Variants in RBFOX1 observed in about 807,000 individuals in gnomAD.
The protein encoded by RBFOX1 is RNA binding protein fox-1 homolog 1.
In RBFOX1, 8 loss-of-function variants were observed where a neutral mutation model predicts 57.7. That is an observed-to-expected ratio of 0.14 (90% CI 0.08 to 0.25). The LOEUF is 0.25. Ranked by LOEUF, RBFOX1 falls within the 10% of genes least tolerant of loss-of-function variation. The probability of loss-of-function intolerance (pLI) is 1.00; values close to 1 mark genes in which losing one functional copy is unlikely to be tolerated. For synonymous variants in RBFOX1, 326 were observed against 222.4 expected (o/e 1.47, Z -4.15); for missense variants, 611 against 548.5 (o/e 1.11, Z -1.14).
intron 3 of RBFOX1, among the ~76,000 whole-genome samples, chr16:5,811,331 C>T (rs1037057477): frequency 6.6e-6 from 1 of 151,396 alleles, no homozygotes; most frequent in Non-Finnish European, 1.5e-5. Context: ...ACGGGGTTTC[C>T]CTGGTTTCCC....
At chr16:7,266,513 T>C (rs1194658043) in intron 4 of RBFOX1, among the ~76,000 whole-genome samples, 1 of 152,196 alleles carries the variant, frequency 6.6e-6, no homozygotes, top group East Asian at 1.9e-4. Flanking sequence ...GGTATTTCTT[T>C]ACAGCAATGC....
intron 2 of RBFOX1, chr16:6,483,487 T>A: frequency 6.5e-7 from 1 of 1,535,688 alleles, no homozygotes; most frequent in Non-Finnish European, 8.7e-7. Context: ...CAGGAGGCAC[T>A]TTGCAGCCGA....
At chr16:7,216,673 A>T (rs1046501948) in intron 4 of RBFOX1, among the ~76,000 whole-genome samples, 5 of 139,326 alleles carry the variant, frequency 3.6e-5, no homozygotes, top group East Asian at 5.0e-4. Context: ...AATAAAAATT[A>T]AAAAACCCAC....
At chr16:7,172,629 C>G (rs1381962015) in intron 4 of RBFOX1, among the ~76,000 whole-genome samples, 4 of 152,156 alleles carry the variant, frequency 2.6e-5, no homozygotes, top group Non-Finnish European at 5.9e-5. Flanking sequence ...CTCTTACTTA[C>G]TGGGAACACA....
intron 4 of RBFOX1, among the ~76,000 whole-genome samples, chr16:7,157,683 C>T (rs2077434240): frequency 6.6e-6 from 1 of 152,168 alleles, no homozygotes; most frequent in African/African-American, 2.4e-5. Flanking sequence ...ACGCCATAGC[C>T]ACTCTACATG....
At chr16:7,188,280 G>T (rs566067339) in intron 4 of RBFOX1, among the ~76,000 whole-genome samples, 1 of 152,202 alleles carries the variant, frequency 6.6e-6, no homozygotes, top group Non-Finnish European at 1.5e-5. Context: ...TAACATAAGT[G>T]CTTTAAGTTA....
chr16:6,620,087 A>T (rs1326474993), intron 2 of RBFOX1, among the ~76,000 whole-genome samples: 2 of 152,144 alleles, frequency 1.3e-5, no homozygotes, highest in Non-Finnish European at 2.9e-5. Flanking sequence ...TATGGACCAC[A>T]TTTTCTTTAT....
At chr16:5,984,897 A>T (rs761098940) in intron 4 of RBFOX1, among the ~76,000 whole-genome samples, 38 of 150,062 alleles carry the variant, frequency 2.5e-4, no homozygotes, top group Non-Finnish European at 4.3e-4. Context: ...TAGAAAAGGT[A>T]CAGTAAAAAG....
rs561185032 is a variant in RBFOX1, at chr16:7,129,395, C to G, written c.27+77297C>G. The stretch of plus-strand genomic sequence containing the variant: ...ATGGGTACTGGAAGTGGCATAGGAA[C>G]AGTAGCTCAAAGGAAAGTTATTTTC... On this transcript the variant is annotated intron_variant, in intron 4 of 15. Coordinates refer to ENST00000550418, the MANE Select transcript of RBFOX1 (RefSeq NM_018723.4). Among the ~76,000 whole-genome samples the G allele has an allele frequency of 8.1e-4, 123 of 152,158 alleles. 1 individual carries two copies. The highest frequency in any genetic ancestry group is 2.8e-3 in the African/African-American group (116 of 41,520).
intron 2 of RBFOX1, among the ~76,000 whole-genome samples, chr16:6,530,811 C>T (rs1248569376): frequency 6.6e-6 from 1 of 151,526 alleles, no homozygotes; most frequent in African/African-American, 2.4e-5. Flanking sequence ...CGGGAAACAC[C>T]TGCCCCCATG....
chr16:7,224,899 A>T (rs1404931374), intron 4 of RBFOX1, among the ~76,000 whole-genome samples: 4 of 152,156 alleles, frequency 2.6e-5, no homozygotes, highest in Admixed American at 6.5e-5. Context: ...GATTTCATGT[A>T]CTTTGAGTTA....
Position 6,019,509 on chromosome 16 carries a change from C to A in RBFOX1, c.-610C>A. On this transcript the variant is annotated 5_prime_UTR_variant, in exon 1 of 16. Coordinates refer to ENST00000550418, the MANE Select transcript of RBFOX1 (RefSeq NM_018723.4). This position sits in a 1 kb window ranked among gnomAD's most constrained non-coding sequence, Gnocchi z 4.2. ...CGCCCCAGCCCCCCAGCAGCACCCG[C>A]GGTGGGGCGGGGGCGCTCTGCCAGC... 9.6e-7 allele frequency: 1 copy of A among 1,036,774 alleles called. No individual in the cohort carries two copies. Among genetic ancestry groups the A allele is most frequent in the Non-Finnish European group, 1.2e-6 (1 of 863,394 alleles). 64.2% of individuals were successfully genotyped at this position (1,036,774 alleles called of 1,614,324 possible). A position where few individuals can be genotyped will look rare whatever the true frequency, so the allele number is the denominator to read the frequency against.
At chr16:6,081,854 G>A (rs1230406447) in intron 1 of RBFOX1, among the ~76,000 whole-genome samples, 2 of 152,134 alleles carry the variant, frequency 1.3e-5, no homozygotes, top group African/African-American at 4.8e-5. Context: ...GAGAGTCCTA[G>A]TCCTTGTAAT....
intron 1 of RBFOX1, among the ~76,000 whole-genome samples, chr16:5,326,078 C>T (rs534436345): frequency 6.6e-6 from 1 of 152,218 alleles, no homozygotes; most frequent in South Asian, 2.1e-4. Flanking sequence ...CGTCAGACAG[C>T]AGTGTATGAG....
At chr16:6,312,516 C>A (rs1205264750) in intron 1 of RBFOX1, among the ~76,000 whole-genome samples, 1 of 152,168 alleles carries the variant, frequency 6.6e-6, no homozygotes, top group African/African-American at 2.4e-5. Context: ...ATAGCACTTA[C>A]TAATGGAGCC....
chr16:5,978,442 C>G (rs2060109748), intron 4 of RBFOX1, among the ~76,000 whole-genome samples: 1 of 152,160 alleles, frequency 6.6e-6, no homozygotes, highest in African/African-American at 2.4e-5. Context: ...GTTTTCCCGA[C>G]TGATAACGTC....
intron 2 of RBFOX1, among the ~76,000 whole-genome samples, chr16:6,416,379 G>A (rs987909237): frequency 4.6e-5 from 7 of 152,132 alleles, no homozygotes; most frequent in South Asian, 2.1e-4. Context: ...GAAGCCAGTC[G>A]CTTCTCCATG....
At chr16:5,479,246 C>G (rs1190335140) in intron 2 of RBFOX1, among the ~76,000 whole-genome samples, 3 of 152,102 alleles carry the variant, frequency 2.0e-5, no homozygotes, top group Non-Finnish European at 2.9e-5. Context: ...TTGATTGGCA[C>G]CAAGCCTTGT....
chr16:7,110,612 T>A (rs1200840869), intron 4 of RBFOX1, among the ~76,000 whole-genome samples: 1 of 152,196 alleles, frequency 6.6e-6, no homozygotes, highest in Non-Finnish European at 1.5e-5. Context: ...GTAGTTGCTC[T>A]GGTGACATTT....
Sources: allele counts gnomAD v4.1 joint callset (sites outside exome capture counted in the v4.1 genomes callset), GRCh38; gene constraint gnomAD v4.1.1; non-coding constraint Gnocchi (gnomAD v3.1); transcripts MANE v1.5; gene names NCBI Gene and HGNC (gene_info 2026-07-23, HGNC 2026-07-21).